Variants in ZFP30 observed in about 807,000 individuals in gnomAD.
The protein encoded by ZFP30 is ZFP30 zinc finger protein, also known as zinc finger protein 30 homolog.
A neutral mutation model predicts 12.3 loss-of-function variants in ZFP30; 16 were observed. The observed-to-expected ratio is 1.30, with a 90% confidence interval of 0.88 to 1.98. The LOEUF is 1.98. Ranked by LOEUF, ZFP30 falls within the 30% of genes most tolerant of loss-of-function variation. The pLI is 0.00. For synonymous variants in ZFP30, 172 were observed against 201.0 expected, an observed-to-expected ratio of 0.86 and a Z score of 1.22; for missense variants, 560 against 611.2, an observed-to-expected ratio of 0.92 and a Z score of 0.88.
Position 37,631,679 on chromosome 19 carries a change from C to CG in ZFP30, c.*3301_*3302insC, listed in dbSNP as rs2044235284. ...CATTCCATTCTTAATACATAGAAAGCTAAAAAAAAAAAAAAAAAAAAGACA... is the reference window on the plus strand; with the variant it reads ...CATTCCATTCTTAATACATAGAAAGCGTAAAAAAAAAAAAAAAAAAAAGACA... On this transcript the variant is annotated 3_prime_UTR_variant, in exon 6 of 6. Coordinates refer to ENST00000684514, the MANE Select transcript of ZFP30 (RefSeq NM_001320669.3). The CG allele has an allele frequency of 4.6e-5, 3 of 65,540 alleles. No individual in the cohort carries two copies. The highest frequency in any genetic ancestry group is 2.5e-4 in the African/African-American group (3 of 11,868). The allele number at this position is 65,540 out of a possible 1,614,324, so 4.1% of individuals were successfully genotyped here.
chr19:37,655,468 G>C (rs1019729080), upstream of ZFP30: 23 of 152,504 alleles, frequency 1.5e-4, no homozygotes, highest in African/African-American at 4.8e-4. Context: ...GCCAGAATAC[G>C]GGAGAGCGCC....
intron 3 of ZFP30, among the ~76,000 whole-genome samples, chr19:37,646,154 T>C (rs954988305): frequency 6.6e-6 from 1 of 152,164 alleles, no homozygotes; most frequent in Non-Finnish European, 1.5e-5. Context: ...CAACATTGTA[T>C]ATACTACCTG....
intron 3 of ZFP30, among the ~76,000 whole-genome samples, chr19:37,645,675 T>C (rs2044529492): frequency 6.6e-6 from 1 of 151,540 alleles, no homozygotes; most frequent in Non-Finnish European, 1.5e-5. Context: ...CTGAAATAGG[T>C]TCATAGGAAC....
At position 37,631,680 on chromosome 19, in the gene ZFP30, T is replaced by TAAAAAAAAAAAAA. The variant is rs59250127; in HGVS notation, c.*3288_*3300dup. 1 of 111,374 alleles carries TAAAAAAAAAAAAA rather than the reference T, an allele frequency of 9.0e-6. No individual in the cohort carries two copies. Among genetic ancestry groups the TAAAAAAAAAAAAA allele is most frequent in the Non-Finnish European group, 2.0e-5 (1 of 49,970 alleles). 6.9% of individuals were successfully genotyped at this position (111,374 alleles called of 1,614,324 possible). ...ATTCCATTCTTAATACATAGAAAGC[T>TAAAAAAAAAAAAA]AAAAAAAAAAAAAAAAAAAAGACAA... is the stretch of plus-strand genomic sequence containing the variant. On this transcript the variant is annotated 3_prime_UTR_variant, in exon 6 of 6. Coordinates refer to ENST00000684514, the MANE Select transcript of ZFP30 (RefSeq NM_001320669.3).
At chr19:37,637,530 G>T (rs922396701) in intron 5 of ZFP30, among the ~76,000 whole-genome samples, 1 of 151,712 alleles carries the variant, frequency 6.6e-6, no homozygotes, top group Admixed American at 6.6e-5. Context: ...TCACTGTGTT[G>T]CCCAAGCTGA....
upstream of ZFP30, chr19:37,656,064 G>C (rs903432686): frequency 2.0e-5 from 3 of 152,442 alleles, no homozygotes; most frequent in Non-Finnish European, 4.4e-5. Flanking sequence ...GGACCAAGGC[G>C]CGGCGCGTGC....
At chr19:37,638,031 T>C (rs1225341711) in intron 5 of ZFP30, among the ~76,000 whole-genome samples, 4 of 152,190 alleles carry the variant, frequency 2.6e-5, no homozygotes, top group Non-Finnish European at 5.9e-5. Flanking sequence ...AAACATTCTT[T>C]TTATCACTTC....
chr19:37,650,647 G>A (rs955944170), intron 2 of ZFP30, among the ~76,000 whole-genome samples: 5 of 151,952 alleles, frequency 3.3e-5, no homozygotes, highest in African/African-American at 1.2e-4. Flanking sequence ...TACTATAAGA[G>A]GCATAGTTTT....
intron 2 of ZFP30, among the ~76,000 whole-genome samples, 166 bp from the exon 3 acceptor site, chr19:37,648,065 C>T (rs1443589320): frequency 6.6e-6 from 1 of 152,122 alleles, no homozygotes; most frequent in Non-Finnish European, 1.5e-5. Context: ...TCCCCAAAAC[C>T]ACAGCGAAAT....
chr19:37,645,638 G>A (rs2044528495), intron 3 of ZFP30, among the ~76,000 whole-genome samples: 2 of 150,308 alleles, frequency 1.3e-5, no homozygotes, highest in African/African-American at 2.5e-5. Flanking sequence ...AGACATATTC[G>A]GGTAATTATC....
At chr19:37,646,879 C>T (rs926396934) in intron 3 of ZFP30, among the ~76,000 whole-genome samples, 3 of 152,140 alleles carry the variant, frequency 2.0e-5, no homozygotes, top group Non-Finnish European at 2.9e-5. Flanking sequence ...ACTGAGATTA[C>T]AGGCATGAGC....
At chr19:37,654,048 A>G (rs2044704529) in intron 2 of ZFP30, among the ~76,000 whole-genome samples, 1 of 152,350 alleles carries the variant, frequency 6.6e-6, no homozygotes, top group Admixed American at 6.5e-5. Context: ...AGGACTCACT[A>G]TGTGCCAGGC....
chr19:37,655,303 T>C (rs2044732921), intron 1 of ZFP30, 117 bp downstream of exon 1: 1 of 152,348 alleles, frequency 6.6e-6, no homozygotes, highest in South Asian at 2.1e-4. Context: ...GGCCTGAGGC[T>C]CCACAGGAAC....
At chr19:37,641,923 T>A (rs1348668811) in intron 5 of ZFP30, among the ~76,000 whole-genome samples, 1 of 152,234 alleles carries the variant, frequency 6.6e-6, no homozygotes, top group Non-Finnish European at 1.5e-5. Context: ...CTCACTACAT[T>A]CCCAAGGTGT....
chr19:37,643,780 G>T (rs768201661), intron 4 of ZFP30, among the ~76,000 whole-genome samples: 81 of 151,940 alleles, frequency 5.3e-4, no homozygotes, highest in Middle Eastern at 3.4e-3. Context: ...GCTATTTTTT[G>T]ATTTTTTTTT....
chr19:37,635,638 C>T lies in ZFP30; in HGVS notation c.903G>A (p.Lys301=). ...TACACAGAAAGGCCTGACCACATTC[C>T]TTACACTCATAGCACTTCTCAGCAA... The part of the protein sequence containing the change: ...LNIAEKCYEC[K]ECGQAFLCST... Residue 301 remains lysine, a synonymous_variant, in exon 6 of 6, where the codon AAG becomes AAA. Transcript: ENST00000684514. 6.2e-7 allele frequency: 1 copy of T among 1,614,124 alleles called. No homozygotes were observed.
chr19:37,636,179 T>C lies in ZFP30; in HGVS notation c.362A>G (p.His121Arg). 1 of 1,614,188 alleles carries C rather than the reference T, an allele frequency of 6.2e-7. No homozygotes were observed. The highest frequency in any genetic ancestry group is 1.1e-5 in the South Asian group (1 of 91,084). Reference sequence around the variant, plus strand: ...TGTCACTTGCCTGAAACACACCTCATGAGGACTTTCTTGTTCTTCAAGTCC... The same window carrying C: ...TGTCACTTGCCTGAAACACACCTCACGAGGACTTTCTTGTTCTTCAAGTCC... Reference protein sequence around the residue: ...SCGLEEQESPHEVCFRQVTKT... With the variant: ...SCGLEEQESPREVCFRQVTKT... The change falls in exon 6 of 6, where the codon CAT (histidine) becomes CGT (arginine). Residue 121 changes from histidine (H) to arginine (R), a missense_variant. His to Arg is a conservative substitution (Grantham distance 29). Transcript: ENST00000684514.
intron 5 of ZFP30, among the ~76,000 whole-genome samples, chr19:37,639,484 A>G (rs1391473175): frequency 1.3e-5 from 2 of 152,234 alleles, no homozygotes; most frequent in East Asian, 3.9e-4. Flanking sequence ...GTAATCCCCA[A>G]CTACTTGGGG....
At chr19:37,645,622 A>G (rs912449787) in intron 3 of ZFP30, among the ~76,000 whole-genome samples, 1 of 150,860 alleles carries the variant, frequency 6.6e-6, no homozygotes, top group South Asian at 2.1e-4. Context: ...AATTTTATTT[A>G]TTTCCAGACA....
Sources: gnomAD v4.1 joint callset for allele counts (sites outside exome capture counted in the v4.1 genomes callset) on GRCh38, gnomAD v4.1.1 for gene constraint, MANE v1.5 for transcripts, NCBI Gene and HGNC (gene_info 2026-07-23, HGNC 2026-07-21) for gene names.